The following FAM124A variants were observed in gnomAD, a reference collection of about 807,000 sequenced individuals.
FAM124A encodes protein FAM124A.
In FAM124A, 23 loss-of-function variants were observed where a neutral mutation model predicts 24.5. The ratio of observed to expected loss-of-function variants is 0.94; its 90% CI spans 0.68 to 1.33. FAM124A has a LOEUF of 1.33. FAM124A is among the 40% of genes most tolerant of loss of function. FAM124A has a pLI of 0.00. For synonymous variants in FAM124A, 287 were observed against 314.7 expected, an observed-to-expected ratio of 0.91 and a Z score of 0.93; for missense variants, 623 against 722.8, an observed-to-expected ratio of 0.86 and a Z score of 1.58.
intron 3 of FAM124A, among the ~76,000 whole-genome samples, chr13:51,260,808 A>T (rs892894996): frequency 6.6e-6 from 1 of 151,998 alleles, no homozygotes; most frequent in African/African-American, 2.4e-5. Flanking sequence ...TTTGGACTCC[A>T]CCTCCGGAGG....
intron 2 of FAM124A, among the ~76,000 whole-genome samples, chr13:51,245,613 C>T (rs1276165985): frequency 6.6e-6 from 1 of 152,182 alleles, no homozygotes; most frequent in Non-Finnish European, 1.5e-5. Flanking sequence ...TAATTTCTTT[C>T]CATCTCCTGT....
intron 2 of FAM124A, among the ~76,000 whole-genome samples, chr13:51,240,726 C>G (rs1414627026): frequency 6.6e-6 from 1 of 152,216 alleles, no homozygotes; most frequent in Admixed American, 6.5e-5. Context: ...CCAACTCAGA[C>G]ATAAAAGCAG....
At chr13:51,252,536 T>C in intron 3 of FAM124A, 1 of 357,428 alleles carries the variant, frequency 2.8e-6, no homozygotes, top group South Asian at 8.3e-5. Flanking sequence ...GAATTTGCTA[T>C]TAAAGATTCC....
chr13:51,222,706 C>A, intron 1 of FAM124A, 137 bp downstream of exon 1: 1 of 925,768 alleles, frequency 1.1e-6, no homozygotes, highest in Non-Finnish European at 1.4e-6. Flanking sequence ...ATCCCCCGCT[C>A]TCTCCTGGGC....
At chr13:51,248,974 A>G (rs1334213492) in intron 2 of FAM124A, among the ~76,000 whole-genome samples, 1 of 152,168 alleles carries the variant, frequency 6.6e-6, no homozygotes, top group African/African-American at 2.4e-5. Flanking sequence ...ATACCCCTTC[A>G]TAAAACCTTC....
At position 51,280,815 on chromosome 13, in the gene FAM124A, C is replaced by A; in HGVS notation, c.1200C>A (p.Leu400=). The A allele has an allele frequency of 6.2e-7, 1 of 1,614,162 alleles. No individual in the cohort carries two copies. The highest frequency in any genetic ancestry group is 8.5e-7 in the Non-Finnish European group (1 of 1,180,034). ...CATCAGAGTGGAGGCATGGCCACCT[C>A]CTCTCCATCGATGACCTAGAGGGGG... ...HRASEWRHGH[L]LSIDDLEGAQ... is the part of the protein sequence containing the mutation. The change falls in exon 4 of 4, where the codon CTC becomes CTA. Residue 400 remains leucine, a synonymous_variant. Transcript: ENST00000322475.
chr13:51,271,735 A>C (rs2137704743), intron 3 of FAM124A, among the ~76,000 whole-genome samples: 1 of 152,280 alleles, frequency 6.6e-6, no homozygotes, highest in East Asian at 1.9e-4. Flanking sequence ...CTCAGTCTTG[A>C]GGACGCTGCC....
intron 3 of FAM124A, among the ~76,000 whole-genome samples, chr13:51,271,205 T>TCCTGTGTGCTGGCGCCG (rs1267782422): frequency 1.3e-5 from 2 of 152,166 alleles, no homozygotes; most frequent in Non-Finnish European, 2.9e-5. Context: ...GACAGAACGC[T>TCCTGTGTGCTGGCGCCG]CCTGTGTGCT....
At chr13:51,226,148 G>A (rs1036365683) in intron 1 of FAM124A, among the ~76,000 whole-genome samples, 12 of 150,818 alleles carry the variant, frequency 8.0e-5, no homozygotes, top group African/African-American at 2.7e-4. Context: ...CCGCACCACC[G>A]ACACCATGCC....
At position 51,251,600 on chromosome 13, in the gene FAM124A, T is replaced by A. The variant is rs756705676; in HGVS notation, c.233T>A (p.Leu78Gln). 6.4e-7 allele frequency: 1 copy of A among 1,570,994 alleles called. No individual in the cohort carries two copies. Among genetic ancestry groups the A allele is most frequent in the South Asian group, 1.2e-5 (1 of 84,424 alleles). The change falls in exon 3 of 4, where the codon CTG (leucine) becomes CAG (glutamine). Residue 78 changes from leucine to glutamine, a missense_variant. Transcript: ENST00000322475. This position sits in a 1 kb window ranked among gnomAD's most constrained non-coding sequence, Gnocchi z 5.3. ...VLAWIHPDLPLFRVSERRASR... is the reference protein window; with the variant it reads ...VLAWIHPDLPQFRVSERRASR... ...GCGTGGATCCACCCCGACCTCCCGC[T>A]GTTCCGGGTGTCCGAGAGGCGGGCG... is the stretch of plus-strand genomic sequence containing the variant.
chr13:51,245,749 A>G (rs1357002160), intron 2 of FAM124A, among the ~76,000 whole-genome samples: 2 of 152,192 alleles, frequency 1.3e-5, no homozygotes, highest in Non-Finnish European at 2.9e-5. Flanking sequence ...TAGTTCATCT[A>G]TCATAGTGTT....
intron 1 of FAM124A, among the ~76,000 whole-genome samples, chr13:51,224,952 C>T (rs1488170946): frequency 1.3e-5 from 2 of 152,190 alleles, no homozygotes; most frequent in Non-Finnish European, 2.9e-5. Flanking sequence ...TCCCACCTGA[C>T]TTGCCTGTCT....
At chr13:51,228,746 T>C (rs1954342346) in intron 1 of FAM124A, among the ~76,000 whole-genome samples, 1 of 152,236 alleles carries the variant, frequency 6.6e-6, no homozygotes, top group South Asian at 2.1e-4. Flanking sequence ...TTCCTAACCG[T>C]ATTTCTAGTA....
In FAM124A at chr13:51,251,752, C is replaced by T. The variant is rs753787657; in HGVS notation, c.385C>T (p.Arg129Cys). The change falls in exon 3 of 4, where the codon CGC becomes TGC. Residue 129 changes from arginine to cysteine, a missense_variant. Arg to Cys is a radical substitution (Grantham distance 180). Coordinates refer to ENST00000322475, the MANE Select transcript of FAM124A (RefSeq NM_001242312.2). This position sits in a 1 kb window ranked among gnomAD's most constrained non-coding sequence, Gnocchi z 5.3. Reference sequence around the variant, plus strand: ...CCGCACACTGCAGCAGCCGCCCTGGCGCCACCACCACACCGAGCAGGTGCA... The same window carrying T: ...CCGCACACTGCAGCAGCCGCCCTGGTGCCACCACCACACCGAGCAGGTGCA... ...LHRTLQQPPW[R>C]HHHTEQVHGR... 4 of 1,585,338 alleles carry T rather than the reference C, an allele frequency of 2.5e-6. No homozygotes were observed. Among genetic ancestry groups the T allele is most frequent in the East Asian group, 2.3e-5 (1 of 43,192 alleles).
At chr13:51,259,330 C>T (rs1415191573) in intron 3 of FAM124A, among the ~76,000 whole-genome samples, 1 of 152,094 alleles carries the variant, frequency 6.6e-6, no homozygotes, top group Non-Finnish European at 1.5e-5. Context: ...CCAGCGGCTG[C>T]TCATCCACAG....
At chr13:51,269,935 C>A (rs1246477167) in intron 3 of FAM124A, among the ~76,000 whole-genome samples, 1 of 152,172 alleles carries the variant, frequency 6.6e-6, no homozygotes, top group African/African-American at 2.4e-5. Context: ...CCAGCCAGGA[C>A]GACTTTACGT....
chr13:51,281,326 GC>G lies in FAM124A; in HGVS notation c.*72del. 7.1e-7 allele frequency: 1 copy of G among 1,406,964 alleles called. No homozygotes were observed. The highest frequency in any genetic ancestry group is 9.5e-7 in the Non-Finnish European group (1 of 1,053,290). 87.2% of individuals were successfully genotyped at this position (1,406,964 alleles called of 1,614,324 possible). A position where few individuals can be genotyped will look rare whatever the true frequency, so the allele number is the denominator to read the frequency against. ...AGACTCAGGCCCCACTGCCCCTCTGGCCACTGAGCACACCACATTCTTCATG... is the reference window on the plus strand; with the variant it reads ...AGACTCAGGCCCCACTGCCCCTCTGGCACTGAGCACACCACATTCTTCATG... On this transcript the variant is annotated 3_prime_UTR_variant, in exon 4 of 4. Coordinates refer to ENST00000322475, the MANE Select transcript of FAM124A (RefSeq NM_001242312.2).
intron 3 of FAM124A, among the ~76,000 whole-genome samples, chr13:51,279,049 A>AT (rs1426427801): frequency 6.6e-6 from 1 of 152,180 alleles, no homozygotes; most frequent in Non-Finnish European, 1.5e-5. Flanking sequence ...TTACAAGGTG[A>AT]TGCATACTTA....
chr13:51,263,183 C>G (rs1427167814), intron 3 of FAM124A, among the ~76,000 whole-genome samples: 1 of 152,048 alleles, frequency 6.6e-6, no homozygotes, highest in Non-Finnish European at 1.5e-5. Flanking sequence ...GCCCAGCCCA[C>G]AGGGGCTCCG....
Sources: allele counts gnomAD v4.1 joint callset (sites outside exome capture counted in the v4.1 genomes callset), GRCh38; gene constraint gnomAD v4.1.1; non-coding constraint Gnocchi (gnomAD v3.1); transcripts MANE v1.5; gene names NCBI Gene and HGNC (gene_info 2026-07-23, HGNC 2026-07-21).